UST: variants seen among roughly 807,000 people sequenced by gnomAD.
The protein encoded by UST is chondroitin sulfate 2-O-sulfotransferase.
A neutral mutation model predicts 45.6 loss-of-function variants in UST; 21 were observed. That is an observed-to-expected ratio of 0.46 (90% CI 0.33 to 0.66). The LOEUF (loss-of-function observed/expected upper bound fraction) is 0.66. Among genes scored for constraint, UST ranks in the 30% least tolerant of loss-of-function variants. The pLI, the probability that UST is intolerant of heterozygous loss-of-function variation, is 0.02. For missense variants in UST, 463 were observed against 512.4 expected, an observed-to-expected ratio of 0.90 and a Z score of 0.93; for synonymous variants, 215 against 200.6, an observed-to-expected ratio of 1.07 and a Z score of -0.61.
chr6:148,919,256 C>T (rs938536518), intron 2 of UST, among the ~76,000 whole-genome samples: 12 of 152,224 alleles, frequency 7.9e-5, no homozygotes, highest in Non-Finnish European at 1.3e-4. Flanking sequence ...TGCCACTGAG[C>T]GCCTTCCAAC....
chr6:148,915,284 C>T (rs1003073195), intron 2 of UST, among the ~76,000 whole-genome samples: 3 of 152,084 alleles, frequency 2.0e-5, no homozygotes, highest in African/African-American at 7.2e-5. Flanking sequence ...AAGATAGGCA[C>T]CTCTGAGTGG....
intron 2 of UST, among the ~76,000 whole-genome samples, chr6:148,916,795 G>A (rs62426117): frequency 0.13 from 19,616 of 152,190 alleles, 1,608 homozygotes; most frequent in East Asian, 0.41. Flanking sequence ...GTACAGTGTC[G>A]TAATACGTAT....
intron 2 of UST, among the ~76,000 whole-genome samples, chr6:148,923,556 G>A (rs1242502275): frequency 6.6e-6 from 1 of 152,142 alleles, no homozygotes; most frequent in Non-Finnish European, 1.5e-5. Flanking sequence ...TGTGTTTCAG[G>A]GATATAAGCA....
At chr6:148,900,253 C>T (rs1238059298) in intron 2 of UST, among the ~76,000 whole-genome samples, 1 of 152,166 alleles carries the variant, frequency 6.6e-6, no homozygotes, top group Non-Finnish European at 1.5e-5. Flanking sequence ...CTTGCTCGCT[C>T]AACCTCATGC....
At chr6:148,753,769 C>T (rs1344120307) in intron 1 of UST, among the ~76,000 whole-genome samples, 1 of 152,194 alleles carries the variant, frequency 6.6e-6, no homozygotes, top group East Asian at 1.9e-4. Flanking sequence ...TCTACAGTGG[C>T]TGCACCATTT....
chr6:148,980,596 C>T (rs922891591), intron 5 of UST, among the ~76,000 whole-genome samples: 1 of 152,210 alleles, frequency 6.6e-6, no homozygotes, highest in South Asian at 2.1e-4. Flanking sequence ...CCAGCCCTGA[C>T]ATATTGCTTT....
intron 3 of UST, among the ~76,000 whole-genome samples, chr6:148,950,985 A>G (rs557344857): frequency 3.3e-5 from 5 of 152,354 alleles, no homozygotes; most frequent in Non-Finnish European, 7.4e-5. Flanking sequence ...AGGGGTAGAT[A>G]TTTTAGCCAG....
chr6:149,009,325 C>A (rs1041609292), intron 5 of UST, among the ~76,000 whole-genome samples: 6 of 152,050 alleles, frequency 3.9e-5, no homozygotes, highest in Non-Finnish European at 5.9e-5. Flanking sequence ...ATTCAAGTTT[C>A]AAAAGCCAAT....
chr6:149,038,486 C>G (rs570904405), intron 7 of UST, among the ~76,000 whole-genome samples: 14 of 151,864 alleles, frequency 9.2e-5, no homozygotes, highest in Non-Finnish European at 2.1e-4. Context: ...GCAGCCACCC[C>G]TGGAAACTAG....
intron 2 of UST, among the ~76,000 whole-genome samples, chr6:148,898,320 A>G (rs1202388908): frequency 6.6e-6 from 1 of 152,216 alleles, no homozygotes; most frequent in Non-Finnish European, 1.5e-5. Context: ...GCTATAAAGA[A>G]CTTTATGCTT....
At position 148,934,759 on chromosome 6, in the gene UST, T is replaced by C. The variant is rs1779987508; in HGVS notation, c.292-6520T>C. Among the ~76,000 whole-genome samples the C allele has an allele frequency of 6.6e-6, 1 of 152,198 alleles. No individual in the cohort carries two copies. The highest frequency in any genetic ancestry group is 1.5e-5 in the Non-Finnish European group (1 of 68,030). On this transcript the variant is annotated intron_variant, in intron 2 of 7. Transcript: ENST00000367463. This position sits in a 1 kb window ranked among gnomAD's most constrained non-coding sequence, Gnocchi z 4.1. ...AGCTGATGGAGTTGGCAGAGGGCCC[T>C]GGTGAGCTTTTTAGAGAGAGACTCC...
intron 7 of UST, among the ~76,000 whole-genome samples, chr6:149,034,893 T>C (rs1388950422): frequency 2.6e-5 from 3 of 114,970 alleles, no homozygotes; most frequent in East Asian, 2.6e-4. Context: ...TCTCTCTCTC[T>C]CTCCTTGGAT....
chr6:148,935,472 G>A (rs771004240), intron 2 of UST, among the ~76,000 whole-genome samples: 18 of 152,174 alleles, frequency 1.2e-4, no homozygotes, highest in Non-Finnish European at 2.1e-4. Flanking sequence ...CATTAAAGTA[G>A]AGGATAGAGT....
intron 1 of UST, among the ~76,000 whole-genome samples, chr6:148,797,643 T>G (rs1191530787): frequency 6.6e-6 from 1 of 152,142 alleles, no homozygotes; most frequent in Non-Finnish European, 1.5e-5. Context: ...ATCCTTCGAA[T>G]GTTGTGGGAG....
chr6:148,781,840 T>G (rs1242452301), intron 1 of UST, among the ~76,000 whole-genome samples: 1 of 152,176 alleles, frequency 6.6e-6, no homozygotes, highest in Non-Finnish European at 1.5e-5. Context: ...TGACAGCATA[T>G]CTGTTTATAG....
intron 1 of UST, 21 bp downstream of exon 1, chr6:148,747,698 C>T: frequency 1.3e-6 from 2 of 1,571,230 alleles, no homozygotes; most frequent in Non-Finnish European, 1.7e-6. Context: ...TGGGCAGGCG[C>T]TAGGGCGGCG....
chr6:148,769,667 A>G (rs1230143647), intron 1 of UST, among the ~76,000 whole-genome samples: 3 of 152,232 alleles, frequency 2.0e-5, no homozygotes, highest in Admixed American at 6.5e-5. Flanking sequence ...TAATACACAT[A>G]CATGTCTTCA....
chr6:148,973,038 T>C (rs1280337309), intron 5 of UST, among the ~76,000 whole-genome samples: 2 of 152,236 alleles, frequency 1.3e-5, no homozygotes, highest in Non-Finnish European at 2.9e-5. Context: ...GCTTACCTTC[T>C]TATCCTCTGC....
intron 5 of UST, among the ~76,000 whole-genome samples, chr6:149,014,853 TCA>T (rs1473560937): frequency 1.3e-5 from 2 of 152,142 alleles, no homozygotes; most frequent in African/African-American, 4.8e-5. Context: ...GCCAGGGAAA[TCA>T]CAGTTTGTAT....
Sources: allele counts gnomAD v4.1 joint callset (sites outside exome capture counted in the v4.1 genomes callset), GRCh38; gene constraint gnomAD v4.1.1; non-coding constraint Gnocchi (gnomAD v3.1); transcripts MANE v1.5; gene names NCBI Gene and HGNC (gene_info 2026-07-23, HGNC 2026-07-21).